The following ELFN2 variants were observed in gnomAD, a reference collection of about 807,000 sequenced individuals.
The protein encoded by ELFN2 is extracellular leucine rich repeat and fibronectin type III domain containing 2, also known as protein phosphatase 1 regulatory subunit 29.
ELFN2 carries 17 observed loss-of-function variants against 45.5 expected under a neutral mutation model. The observed-to-expected ratio is 0.37, with a 90% CI of 0.26 to 0.56. The LOEUF (loss-of-function observed/expected upper bound fraction) is 0.56, where lower values mean the gene tolerates loss of function less well. Among genes scored for constraint, ELFN2 ranks in the 20% least tolerant of loss-of-function variants. The pLI is 0.77. For missense variants in ELFN2, 922 were observed against 1,183.2 expected, an observed-to-expected ratio of 0.78 and a Z score of 3.24; for synonymous variants, 550 against 551.5, an observed-to-expected ratio of 1.00 and a Z score of 0.04.
chr22:37,426,646 CACAA>C (rs1302469060), intron 1 of ELFN2, among the ~76,000 whole-genome samples: 5 of 125,022 alleles, frequency 4.0e-5, no homozygotes, highest in South Asian at 2.4e-4. Context: ...CGCACACACA[CACAA>C]ACACACACAC....
In ELFN2 at chr22:37,374,136, C is replaced by T. The variant is rs568828697; in HGVS notation, c.1399G>A (p.Val467Ile). The change falls in exon 3 of 3, where the codon GTA becomes ATA. Residue 467 changes from valine (V) to isoleucine (I), a missense_variant. Around this residue, in one of 2 missense-constraint regions of ELFN2, gnomAD observed 564 missense variants for 642.8 expected, o/e 0.88. Transcript: ENST00000402918. ...QKLGEPPVLPVSRMASIPSMI... is the reference protein window; with the variant it reads ...QKLGEPPVLPISRMASIPSMI... The stretch of plus-strand genomic sequence containing the variant: ...GAGGGGATGGAGGCCATGCGAGATA[C>T]GGGCAGCACGGGAGGCTCGCCCAGC... 7.9e-5 allele frequency: 127 copies of T among 1,612,912 alleles called. 1 individual carries two copies. In the South Asian group the frequency reaches 1.2e-3, roughly 16 times the overall value.
intron 1 of ELFN2, among the ~76,000 whole-genome samples, chr22:37,355,839 G>A (rs902972121): frequency 6.6e-6 from 1 of 152,240 alleles, no homozygotes; most frequent in African/African-American, 2.4e-5. Flanking sequence ...AATGCTCCCA[G>A]AACCATACGT....
At chr22:37,353,499 G>A (rs1386949493) in intron 1 of ELFN2, 1 of 151,016 alleles carries the variant, frequency 6.6e-6, no homozygotes, top group Non-Finnish European at 1.5e-5. Context: ...TGTAAGCGAA[G>A]GAAAAGGCAA....
chr22:37,419,731 A>G (rs1932794585), intron 1 of ELFN2, among the ~76,000 whole-genome samples: 1 of 152,178 alleles, frequency 6.6e-6, no homozygotes, highest in Non-Finnish European at 1.5e-5. Flanking sequence ...ACACGTGCCA[A>G]TGCACATGAG....
intron 2 of ELFN2, among the ~76,000 whole-genome samples, chr22:37,386,674 G>C (rs1393622461): frequency 1.3e-5 from 2 of 152,166 alleles, no homozygotes; most frequent in East Asian, 3.9e-4. Flanking sequence ...CGGTGCAGAG[G>C]GGTCGACATC....
intron 1 of ELFN2, among the ~76,000 whole-genome samples, chr22:37,423,210 G>A (rs1179086180): frequency 1.3e-5 from 2 of 152,190 alleles, no homozygotes; most frequent in African/African-American, 4.8e-5. Flanking sequence ...CTTTGGGGGT[G>A]TCCCATCTCT....
chr22:37,383,679 G>A (rs566977830), intron 2 of ELFN2, among the ~76,000 whole-genome samples: 13 of 152,340 alleles, frequency 8.5e-5, no homozygotes, highest in Admixed American at 4.6e-4. Flanking sequence ...CGTTGCTTAC[G>A]CGTTCCACAT....
intron 2 of ELFN2, among the ~76,000 whole-genome samples, chr22:37,412,083 G>A (rs1302914224): frequency 6.6e-6 from 1 of 152,036 alleles, no homozygotes; most frequent in African/African-American, 2.4e-5. Context: ...GTACACTCAG[G>A]CCTGTAATCC....
At chr22:37,390,635 G>A (rs1490637228) in intron 2 of ELFN2, among the ~76,000 whole-genome samples, 1 of 152,180 alleles carries the variant, frequency 6.6e-6, no homozygotes, top group Non-Finnish European at 1.5e-5. Flanking sequence ...AGGCCTGGGT[G>A]TTAATATAGA....
chr22:37,402,329 C>T (rs1377130984), intron 2 of ELFN2, among the ~76,000 whole-genome samples: 2 of 152,230 alleles, frequency 1.3e-5, no homozygotes, highest in Non-Finnish European at 2.9e-5. Flanking sequence ...TTGGCAGACT[C>T]CGTGTTGACA....
intron 1 of ELFN2, among the ~76,000 whole-genome samples, chr22:37,422,563 G>T (rs938982805): frequency 1.3e-5 from 2 of 151,668 alleles, no homozygotes; most frequent in African/African-American, 4.8e-5. Context: ...AAATTAGCCG[G>T]GTGTGGTGGT....
chr22:37,365,222 T>G (rs771201664), downstream of ELFN2, among the ~76,000 whole-genome samples: 110 of 152,298 alleles, frequency 7.2e-4, no homozygotes, highest in Non-Finnish European at 1.2e-3. Flanking sequence ...CCCCAAACCC[T>G]GCAGCCACAA....
At chr22:37,349,215 G>T (rs1251848277) in intron 1 of ELFN2, among the ~76,000 whole-genome samples, 1 of 151,166 alleles carries the variant, frequency 6.6e-6, no homozygotes, top group East Asian at 1.9e-4. Context: ...CTTAGCTGTC[G>T]TGCAGTCCGG....
chr22:37,387,195 T>G (rs948044951), intron 2 of ELFN2, among the ~76,000 whole-genome samples: 1 of 152,170 alleles, frequency 6.6e-6, no homozygotes, highest in African/African-American at 2.4e-5. Flanking sequence ...GTCCCCTCTC[T>G]GATGTCCAGG....
Position 37,425,507 on chromosome 22 carries a change from G to A in ELFN2, c.-614+1791C>T, listed in dbSNP as rs117482666. Among the ~76,000 whole-genome samples, 397 of 150,996 alleles carry A rather than the reference G, an allele frequency of 2.6e-3. 2 individuals are homozygous for A. Among genetic ancestry groups the A allele is most frequent in the Admixed American group, 7.3e-3 (111 of 15,198 alleles). ...ACCACACTCGGCCACACACACTCCCGTGACATCACATTTACACACTCTGGC... is the reference window on the plus strand; with the variant it reads ...ACCACACTCGGCCACACACACTCCCATGACATCACATTTACACACTCTGGC... On this transcript the variant is annotated intron_variant, in intron 1 of 2. Coordinates refer to ENST00000402918, the MANE Select transcript of ELFN2 (RefSeq NM_052906.5).
At chr22:37,420,664 C>T (rs1000887840) in intron 1 of ELFN2, among the ~76,000 whole-genome samples, 3 of 152,216 alleles carry the variant, frequency 2.0e-5, no homozygotes, top group Non-Finnish European at 4.4e-5. Flanking sequence ...CGTGACCGCA[C>T]ACGCTGCCTC....
rs1931481039 is a variant in ELFN2 at position 37,374,094 on chromosome 22, G to A, written c.1441C>T (p.Leu481=). 1 of 1,613,120 alleles carries A rather than the reference G, an allele frequency of 6.2e-7. No homozygotes were observed. The highest frequency in any genetic ancestry group is 8.5e-7 in the Non-Finnish European group (1 of 1,180,020). ...GCCTCCAACCCCTTGGCGGTGGGCAGCTTCTCCCCGATCATGGAGGGGATG... is the reference window on the plus strand; with the variant it reads ...GCCTCCAACCCCTTGGCGGTGGGCAACTTCTCCCCGATCATGGAGGGGATG... ...ASIPSMIGEK[L]PTAKGLEAGL... The change falls in exon 3 of 3, where the codon CTG becomes TTG. Residue 481 remains leucine (L), a synonymous_variant. Transcript: ENST00000402918.
At chr22:37,366,178 C>A (rs920184273), downstream of ELFN2, among the ~76,000 whole-genome samples, 12 of 152,256 alleles carry the variant, frequency 7.9e-5, no homozygotes, top group Admixed American at 1.3e-4. Context: ...TAAACAGGAC[C>A]AAAATTAGCC....
rs1290744721 is a variant in ELFN2, at chr22:37,370,074, G to T, written c.*2998C>A. 1 of 152,174 alleles carries T rather than the reference G, an allele frequency of 6.6e-6. No homozygotes were observed. The highest frequency in any genetic ancestry group is 1.9e-4 in the East Asian group (1 of 5,174). 9.4% of individuals were successfully genotyped at this position (152,174 alleles called of 1,614,324 possible). On this transcript the variant is annotated 3_prime_UTR_variant, in exon 3 of 3. Coordinates refer to ENST00000402918, the MANE Select transcript of ELFN2 (RefSeq NM_052906.5). ...GCAGTTGGGGCTCTGGCCTGGCTGG[G>T]AGGCCAGAGACCCGAGTCTTAGACC...
Sources: allele counts gnomAD v4.1 joint callset (sites outside exome capture counted in the v4.1 genomes callset), GRCh38; gene constraint gnomAD v4.1.1; regional missense constraint gnomAD v4.1.1; transcripts MANE v1.5; gene names NCBI Gene and HGNC (gene_info 2026-07-23, HGNC 2026-07-21).